The following DPP10 variants were observed in gnomAD, a reference collection of about 807,000 sequenced individuals.
The protein encoded by DPP10 is inactive dipeptidyl peptidase 10.
DPP10 carries 33 observed loss-of-function variants against 120.9 expected under a neutral mutation model. The observed-to-expected ratio is 0.27, with a 90% CI of 0.21 to 0.37. The LOEUF is 0.37. DPP10 is among the 10% of genes least tolerant of loss of function. DPP10 has a pLI of 1.00. For missense variants in DPP10, 816 were observed against 942.8 expected (o/e 0.87, Z 1.76); for synonymous variants, 337 against 326.1 (o/e 1.03, Z -0.36).
At chr2:114,567,608 T>G (rs1212560490) in intron 1 of DPP10, among the ~76,000 whole-genome samples, 1 of 152,202 alleles carries the variant, frequency 6.6e-6, no homozygotes, top group East Asian at 1.9e-4. Context: ...TTACATTTTT[T>G]AAAGCTACTA....
intron 1 of DPP10, among the ~76,000 whole-genome samples, chr2:114,681,865 G>A (rs1394071993): frequency 6.6e-6 from 1 of 151,902 alleles, no homozygotes; most frequent in Non-Finnish European, 1.5e-5. Context: ...GATCACTGTG[G>A]CATTTTGCTG....
intron 5 of DPP10, among the ~76,000 whole-genome samples, chr2:115,621,710 G>A (rs116355394): frequency 0.018 from 2,805 of 152,090 alleles, 76 homozygotes; most frequent in African/African-American, 0.065. Flanking sequence ...AGGGAGTTTC[G>A]CTCTTCGTGC....
At chr2:115,631,037 CTTT>C (rs58468918) in intron 5 of DPP10, among the ~76,000 whole-genome samples, 11,226 of 107,546 alleles carry the variant, frequency 0.1, 238 homozygotes, top group African/African-American at 0.21. Flanking sequence ...TGATCCTGGG[CTTT>C]TTTTTTTTTT....
At chr2:114,664,985 G>A (rs900050897) in intron 1 of DPP10, among the ~76,000 whole-genome samples, 1 of 149,268 alleles carries the variant, frequency 6.7e-6, no homozygotes, top group Non-Finnish European at 1.5e-5. Flanking sequence ...ATGGCAGAGA[G>A]CATCCAAAAG....
chr2:114,612,887 G>T (rs785038), intron 1 of DPP10, among the ~76,000 whole-genome samples: 19,533 of 152,118 alleles, frequency 0.13, 1,886 homozygotes, highest in African/African-American at 0.27. Flanking sequence ...ATAATTTTAT[G>T]AGAAACTATT....
intron 1 of DPP10, among the ~76,000 whole-genome samples, chr2:114,832,001 A>G (rs1175200348): frequency 6.6e-6 from 1 of 150,650 alleles, no homozygotes; most frequent in African/African-American, 2.5e-5. Flanking sequence ...TTAATTAAGA[A>G]CAATGTTTGC....
In DPP10 at chr2:114,716,128, A is replaced by G. The variant is rs10209210; in HGVS notation, c.60+273290A>G. On this transcript the variant is annotated intron_variant, in intron 1 of 25. Coordinates refer to ENST00000410059, the MANE Select transcript of DPP10 (RefSeq NM_020868.6). The stretch of plus-strand genomic sequence containing the variant: ...CAGCTGGCCTCCCAAATATTTAGGA[A>G]AATAAATTTAAAGTGAAGACATGAA... Among the ~76,000 whole-genome samples, 1,096 of 152,244 alleles carry G rather than the reference A, an allele frequency of 7.2e-3. 13 individuals are homozygous for G. The highest frequency in any genetic ancestry group is 0.025 in the African/African-American group (1,021 of 41,560).
At chr2:115,092,642 T>C (rs1337587879) in intron 1 of DPP10, among the ~76,000 whole-genome samples, 1 of 152,158 alleles carries the variant, frequency 6.6e-6, no homozygotes, top group Non-Finnish European at 1.5e-5. Flanking sequence ...TTTGATATAA[T>C]AATGTCTAAG....
intron 1 of DPP10, among the ~76,000 whole-genome samples, chr2:114,791,674 G>T (rs1683253108): frequency 2.0e-5 from 3 of 152,134 alleles, no homozygotes. Context: ...ACTGTAGATT[G>T]CTGAATAGAC....
chr2:115,435,997 T>C (rs934673182), intron 3 of DPP10, among the ~76,000 whole-genome samples: 3 of 151,854 alleles, frequency 2.0e-5, no homozygotes, highest in African/African-American at 7.2e-5. Flanking sequence ...GGACAAACTT[T>C]TAATTTTTCT....
In DPP10 at chr2:114,895,665, A is replaced by T. The variant is rs137931389; in HGVS notation, c.61-413574A>T. ...CTCACATTTTGATCACGTCATGAAC[A>T]TTTTTTGTTTTAAGCCACTTTGGTT... is the stretch of plus-strand genomic sequence containing the variant. On this transcript the variant is annotated intron_variant, in intron 1 of 25. Transcript: ENST00000410059. 6.0e-3 allele frequency among the ~76,000 whole-genome samples: 916 copies of T among 152,208 alleles called. 7 individuals are homozygous for T. The highest frequency in any genetic ancestry group is 0.021 in the African/African-American group (874 of 41,532).
chr2:115,664,584 A>G (rs879653222), intron 5 of DPP10, among the ~76,000 whole-genome samples: 4 of 152,166 alleles, frequency 2.6e-5, no homozygotes, highest in Admixed American at 2.0e-4. Context: ...CAAGCAAGGA[A>G]ATGCTTTTCT....
chr2:115,286,464 T>C lies in DPP10; in HGVS notation c.61-22775T>C, dbSNP rs186416973. Among the ~76,000 whole-genome samples, 359 of 128,956 alleles carry C rather than the reference T, an allele frequency of 2.8e-3. 3 individuals carry two copies. Among genetic ancestry groups the C allele is most frequent in the African/African-American group, 9.2e-3 (329 of 35,780 alleles). 84.6% of individuals were successfully genotyped at this position (128,956 alleles called of 152,430 possible). A position where few individuals can be genotyped will look rare whatever the true frequency, so the allele number is the denominator to read the frequency against. On this transcript the variant is annotated intron_variant, in intron 1 of 25. Coordinates refer to ENST00000410059, the MANE Select transcript of DPP10 (RefSeq NM_020868.6). The stretch of plus-strand genomic sequence containing the variant: ...GTCAGGTAGACTCCAGAGTTTAAAG[T>C]GAAATATATATATGTAATATATATA...
chr2:115,834,882 C>G (rs1559219244), intron 21 of DPP10, among the ~76,000 whole-genome samples: 1 of 151,936 alleles, frequency 6.6e-6, no homozygotes. Flanking sequence ...GTCAGGAGAT[C>G]GAGACCATCC....
chr2:114,973,009 T>G lies in DPP10; in HGVS notation c.61-336230T>G, dbSNP rs10200511. On this transcript the variant is annotated intron_variant, in intron 1 of 25. Transcript: ENST00000410059. ...ATTTTTGCATTGCATTTTGTAATTT[T>G]GTTTATTTATTTTTATTTTTGCAGT... Among the ~76,000 whole-genome samples the G allele has an allele frequency of 4.0e-3, 609 of 152,288 alleles. 1 individual carries two copies. Among genetic ancestry groups the G allele is most frequent in the African/African-American group, 0.014 (596 of 41,574 alleles).
intron 1 of DPP10, among the ~76,000 whole-genome samples, chr2:114,735,892 C>T (rs544498930): frequency 6.6e-6 from 1 of 151,982 alleles, no homozygotes; most frequent in Non-Finnish European, 1.5e-5. Context: ...CAACCCTCCC[C>T]CTACGCAGAA....
intron 1 of DPP10, among the ~76,000 whole-genome samples, chr2:114,545,992 T>C (rs1485417492): frequency 1.3e-5 from 2 of 152,214 alleles, no homozygotes; most frequent in South Asian, 4.1e-4. Context: ...TATACTCATA[T>C]TGATGGTCTC....
intron 2 of DPP10, among the ~76,000 whole-genome samples, chr2:115,331,514 A>C (rs1389201254): frequency 6.6e-6 from 1 of 152,122 alleles, no homozygotes; most frequent in Non-Finnish European, 1.5e-5. Context: ...TTTCAAAGGG[A>C]ATGCTCCCAG....
intron 17 of DPP10, among the ~76,000 whole-genome samples, chr2:115,785,058 G>A (rs538989248): frequency 1.3e-5 from 2 of 152,288 alleles, no homozygotes; most frequent in African/African-American, 4.8e-5. Context: ...TCTCTTCGAT[G>A]TTCTCTGGCC....
Sources: allele counts gnomAD v4.1 joint callset (sites outside exome capture counted in the v4.1 genomes callset), GRCh38; gene constraint gnomAD v4.1.1; transcripts MANE v1.5; gene names NCBI Gene and HGNC (gene_info 2026-07-23, HGNC 2026-07-21).